MAGI2: variants seen among roughly 807,000 people sequenced by gnomAD.
MAGI2 encodes the protein membrane-associated guanylate kinase, WW and PDZ domain-containing protein 2.
MAGI2 carries 35 observed loss-of-function variants against 133.3 expected under a neutral mutation model. The observed-to-expected ratio is 0.26, with a 90% CI of 0.20 to 0.35. The LOEUF is 0.35. Among genes scored for constraint, MAGI2 ranks in the 10% least tolerant of loss-of-function variants. The pLI is 1.00. For synonymous variants in MAGI2, 729 were observed against 710.6 expected (o/e 1.03, Z -0.41); for missense variants, 1,636 against 1,863.4 (o/e 0.88, Z 2.25).
intron 2 of MAGI2, among the ~76,000 whole-genome samples, chr7:78,833,096 T>A (rs1270214469): frequency 6.6e-6 from 1 of 152,190 alleles, no homozygotes; most frequent in Non-Finnish European, 1.5e-5. Context: ...TTCTATGGAT[T>A]GTTTGTAACC....
chr7:79,091,053 G>A (rs142583000), intron 1 of MAGI2, among the ~76,000 whole-genome samples: 24 of 151,696 alleles, frequency 1.6e-4, no homozygotes, highest in African/African-American at 3.4e-4. Context: ...TTAGTGCTGC[G>A]AAGTTTAAAA....
chr7:78,294,039 G>T (rs1796982778), intron 9 of MAGI2, among the ~76,000 whole-genome samples: 1 of 151,938 alleles, frequency 6.6e-6, no homozygotes, highest in Admixed American at 6.6e-5. Context: ...TAATACACCT[G>T]CACATTGTGC....
chr7:78,474,036 C>G (rs1276423416), intron 6 of MAGI2, among the ~76,000 whole-genome samples: 1 of 152,000 alleles, frequency 6.6e-6, no homozygotes, highest in Non-Finnish European at 1.5e-5. Context: ...TGACATATAT[C>G]AGGTTACATA....
chr7:78,308,702 C>T (rs1460100558), intron 9 of MAGI2, among the ~76,000 whole-genome samples: 1 of 152,086 alleles, frequency 6.6e-6, no homozygotes, highest in Non-Finnish European at 1.5e-5. Flanking sequence ...TAGGTAGCAA[C>T]CTCCTTAGGT....
chr7:79,062,607 T>C (rs1317613744), intron 1 of MAGI2, among the ~76,000 whole-genome samples: 2 of 152,188 alleles, frequency 1.3e-5, no homozygotes, highest in Admixed American at 6.6e-5. Flanking sequence ...TTTGTAAACC[T>C]AAAACTGCTT....
chr7:79,282,830 G>A (rs1055246179), intron 1 of MAGI2, among the ~76,000 whole-genome samples: 6 of 152,024 alleles, frequency 3.9e-5, no homozygotes, highest in African/African-American at 1.4e-4. Context: ...ACATTGTAGA[G>A]GTTTAACAGC....
intron 21 of MAGI2, chr7:78,077,929 A>C (rs1585033559): frequency 1.3e-5 from 2 of 151,858 alleles, no homozygotes; most frequent in African/African-American, 4.8e-5. Context: ...GGGTTTCTCC[A>C]TGTTGGTCAG....
intron 9 of MAGI2, among the ~76,000 whole-genome samples, chr7:78,332,495 G>C (rs151073436): frequency 0.014 from 2,154 of 152,238 alleles, 59 homozygotes; most frequent in African/African-American, 0.049. Flanking sequence ...TCAGGAGATC[G>C]AGACCATCCT....
intron 1 of MAGI2, among the ~76,000 whole-genome samples, chr7:79,258,747 G>A (rs1349269839): frequency 2.6e-5 from 4 of 152,112 alleles, no homozygotes; most frequent in Non-Finnish European, 5.9e-5. Flanking sequence ...CTCCTGCCTT[G>A]GCCTCCCAAG....
chr7:79,245,142 A>G (rs1297613355), intron 1 of MAGI2, among the ~76,000 whole-genome samples: 1 of 152,222 alleles, frequency 6.6e-6, no homozygotes, highest in Middle Eastern at 3.2e-3. Flanking sequence ...AGTACTCACA[A>G]TGGGTCTTTG....
chr7:78,208,940 T>C (rs1424010575), intron 10 of MAGI2, among the ~76,000 whole-genome samples: 1 of 151,884 alleles, frequency 6.6e-6, no homozygotes, highest in Admixed American at 6.6e-5. Flanking sequence ...GACAGGAACC[T>C]GGCCGGGCGC....
At chr7:78,175,686 T>A (rs1184642613) in intron 14 of MAGI2, among the ~76,000 whole-genome samples, 2 of 152,114 alleles carry the variant, frequency 1.3e-5, no homozygotes, top group Admixed American at 1.3e-4. Flanking sequence ...ACTCTGACAT[T>A]TGGCAAACTT....
intron 9 of MAGI2, among the ~76,000 whole-genome samples, chr7:78,295,138 C>T (rs1562773114): frequency 6.6e-6 from 1 of 152,094 alleles, no homozygotes; most frequent in Non-Finnish European, 1.5e-5. Context: ...TTAATATTTA[C>T]ATAGGTATAA....
chr7:79,292,118 T>TA (rs1168261491), intron 1 of MAGI2, among the ~76,000 whole-genome samples: 1 of 152,216 alleles, frequency 6.6e-6, no homozygotes, highest in Non-Finnish European at 1.5e-5. Context: ...TTCATTTTTT[T>TA]ACATGTGGAA....
intron 2 of MAGI2, among the ~76,000 whole-genome samples, chr7:78,653,775 TAAA>T (rs3085457): frequency 0.058 from 8,228 of 142,862 alleles, 303 homozygotes; most frequent in East Asian, 0.18. Context: ...TGAAGTATGA[TAAA>T]AAAAAAAAAA....
At chr7:79,031,593 A>C (rs10232513) in intron 1 of MAGI2, among the ~76,000 whole-genome samples, 17,995 of 152,176 alleles carry the variant, frequency 0.12, 1,512 homozygotes, top group African/African-American at 0.24. Context: ...AAATTATGCC[A>C]ACTCTTTATA....
At chr7:79,327,688 C>T (rs12666081) in intron 1 of MAGI2, among the ~76,000 whole-genome samples, 25,314 of 152,022 alleles carry the variant, frequency 0.17, 2,426 homozygotes, top group East Asian at 0.36. Flanking sequence ...TTCACACACA[C>T]ACACACTCAC....
At chr7:79,282,892 A>AT (rs1417121260) in intron 1 of MAGI2, among the ~76,000 whole-genome samples, 2 of 101,058 alleles carry the variant, frequency 2.0e-5, no homozygotes, top group African/African-American at 2.8e-5. Flanking sequence ...CTAGAAGTTA[A>AT]TTTTTTGATA....
At chr7:78,535,875 C>T (rs79722559) in intron 3 of MAGI2, among the ~76,000 whole-genome samples, 1 of 124,234 alleles carries the variant, frequency 8.0e-6, no homozygotes. Flanking sequence ...TGTGTACACC[C>T]CCCCCGCCCA....
Sources: allele counts gnomAD v4.1 joint callset (sites outside exome capture counted in the v4.1 genomes callset), GRCh38; gene constraint gnomAD v4.1.1; transcripts MANE v1.5; gene names NCBI Gene and HGNC (gene_info 2026-07-23, HGNC 2026-07-21).